The following KIAA1328 variants were observed in gnomAD, a reference collection of about 807,000 sequenced individuals.
KIAA1328 encodes KIAA1328, also known as protein hinderin.
Under a neutral mutation model 68.1 loss-of-function variants are expected in KIAA1328, and 52 were observed. The observed-to-expected ratio is 0.76, with a 90% CI of 0.61 to 0.96. The LOEUF is 0.96. KIAA1328 is among the 40% of genes least tolerant of loss of function. The pLI is 0.00. For missense variants in KIAA1328, 641 were observed against 677.6 expected (o/e 0.95, Z 0.60); for synonymous variants, 232 against 239.4 (o/e 0.97, Z 0.28).
chr18:36,900,855 C>T (rs2049013495), intron 5 of KIAA1328, among the ~76,000 whole-genome samples: 2 of 151,924 alleles, frequency 1.3e-5, no homozygotes, highest in African/African-American at 2.4e-5. Context: ...ATCAGGGATG[C>T]TTTTCCATCC....
intron 6 of KIAA1328, among the ~76,000 whole-genome samples, chr18:37,013,422 G>A (rs1464996399): frequency 6.6e-6 from 1 of 152,028 alleles, no homozygotes; most frequent in African/African-American, 2.4e-5. Context: ...ATGATGCTGA[G>A]GTTTGGGGTA....
At chr18:36,882,424 G>A (rs1342688031) in intron 4 of KIAA1328, among the ~76,000 whole-genome samples, 1 of 152,126 alleles carries the variant, frequency 6.6e-6, no homozygotes, top group Non-Finnish European at 1.5e-5. Flanking sequence ...TCTTGAGGTT[G>A]CTTTATTGGC....
intron 5 of KIAA1328, among the ~76,000 whole-genome samples, chr18:36,899,305 T>C (rs978931551): frequency 6.6e-6 from 1 of 151,982 alleles, no homozygotes; most frequent in Non-Finnish European, 1.5e-5. Flanking sequence ...TTCTGTCTTG[T>C]ACACTATTGT....
At chr18:37,151,748 C>G (rs1050339107) in intron 7 of KIAA1328, among the ~76,000 whole-genome samples, 1 of 152,058 alleles carries the variant, frequency 6.6e-6, no homozygotes, top group Non-Finnish European at 1.5e-5. Context: ...AACCTTGATC[C>G]CTACCTCACA....
chr18:36,998,276 T>C (rs148633358), intron 6 of KIAA1328, among the ~76,000 whole-genome samples: 44 of 152,226 alleles, frequency 2.9e-4, no homozygotes, highest in African/African-American at 9.9e-4. Context: ...CCTCAGGTGG[T>C]ACCAACCTAT....
chr18:37,055,272 A>T (rs2055864216), intron 6 of KIAA1328, among the ~76,000 whole-genome samples: 1 of 152,210 alleles, frequency 6.6e-6, no homozygotes, highest in African/African-American at 2.4e-5. Flanking sequence ...TTCAGCTCTA[A>T]TTGGTGTCAT....
chr18:36,974,684 ATTG>A (rs2052389288), intron 6 of KIAA1328, among the ~76,000 whole-genome samples: 2 of 152,208 alleles, frequency 1.3e-5, no homozygotes, highest in South Asian at 4.2e-4. Context: ...GCTAGATTGA[ATTG>A]TTGTTCTATT....
At chr18:36,892,776 CAG>C (rs974963819) in intron 5 of KIAA1328, among the ~76,000 whole-genome samples, 7 of 152,228 alleles carry the variant, frequency 4.6e-5, no homozygotes, top group African/African-American at 1.7e-4. Context: ...ATTTGTATTA[CAG>C]AGAGATAGGC....
intron 7 of KIAA1328, among the ~76,000 whole-genome samples, chr18:37,139,884 A>G (rs1452654845): frequency 6.6e-6 from 1 of 152,204 alleles, no homozygotes; most frequent in Non-Finnish European, 1.5e-5. Context: ...ATGTCCATTA[A>G]TGCTTATTCG....
chr18:36,948,736 A>G lies in KIAA1328; in HGVS notation c.449-10572A>G, dbSNP rs1216384240. On this transcript the variant is annotated intron_variant, in intron 5 of 9. Transcript: ENST00000280020. The stretch of plus-strand genomic sequence containing the variant: ...AGCTAATTTTGTATTTTTAGTAGAG[A>G]CGGGGTTTCTCCATGTTGGTCAGGC... Among the ~76,000 whole-genome samples, 6 of 152,050 alleles carry G rather than the reference A, an allele frequency of 3.9e-5. No homozygotes were observed. In the East Asian group the frequency reaches 9.7e-4, roughly 25 times the overall value.
intron 8 of KIAA1328, 136 bp from the exon 9 acceptor site, chr18:37,172,837 T>G: frequency 1.9e-6 from 1 of 532,452 alleles, no homozygotes; most frequent in Non-Finnish European, 3.2e-6. Flanking sequence ...CATATGCCAT[T>G]GTTACATTTC....
intron 5 of KIAA1328, among the ~76,000 whole-genome samples, chr18:36,905,791 T>C (rs1187625693): frequency 1.3e-5 from 2 of 152,150 alleles, no homozygotes; most frequent in South Asian, 2.1e-4. Flanking sequence ...CAGATGGAGA[T>C]TGATGACCAG....
intron 1 of KIAA1328, among the ~76,000 whole-genome samples, chr18:36,832,454 C>T (rs140131268): frequency 7.1e-4 from 107 of 151,610 alleles, no homozygotes; most frequent in African/African-American, 2.3e-3. Context: ...CCAGGTGTGG[C>T]GGCGGGCACC....
intron 7 of KIAA1328, among the ~76,000 whole-genome samples, chr18:37,158,544 G>A (rs2059207167): frequency 5.3e-5 from 8 of 152,150 alleles, no homozygotes; most frequent in Admixed American, 4.6e-4. Context: ...GGGTCAAGAT[G>A]GTATCAAGAG....
At chr18:36,936,171 A>G (rs941949014) in intron 5 of KIAA1328, among the ~76,000 whole-genome samples, 1 of 152,108 alleles carries the variant, frequency 6.6e-6, no homozygotes. Flanking sequence ...TCTTCTAAAA[A>G]AAAAATGGGA....
At chr18:37,072,592 C>T (rs1387311612) in intron 7 of KIAA1328, among the ~76,000 whole-genome samples, 1 of 151,988 alleles carries the variant, frequency 6.6e-6, no homozygotes, top group Non-Finnish European at 1.5e-5. Flanking sequence ...ACCCCATGCC[C>T]TCTTCTGGCT....
At chr18:37,054,278 A>G (rs1250742021) in intron 6 of KIAA1328, among the ~76,000 whole-genome samples, 1 of 152,202 alleles carries the variant, frequency 6.6e-6, no homozygotes, top group Non-Finnish European at 1.5e-5. Flanking sequence ...TAAAACTGGA[A>G]CCAACATTTT....
chr18:36,894,315 A>G (rs2048799881), intron 5 of KIAA1328, among the ~76,000 whole-genome samples: 1 of 152,194 alleles, frequency 6.6e-6, no homozygotes, highest in African/African-American at 2.4e-5. Flanking sequence ...TTACCAGAAA[A>G]TCCAGATATG....
intron 8 of KIAA1328, among the ~76,000 whole-genome samples, chr18:37,170,436 T>C (rs1201629364): frequency 6.6e-6 from 1 of 152,154 alleles, no homozygotes; most frequent in African/African-American, 2.4e-5. Flanking sequence ...AGATGATACA[T>C]TTAAAGTGAT....
Sources: gnomAD v4.1 joint callset for allele counts (sites outside exome capture counted in the v4.1 genomes callset) on GRCh38, gnomAD v4.1.1 for gene constraint, MANE v1.5 for transcripts, NCBI Gene and HGNC (gene_info 2026-07-23, HGNC 2026-07-21) for gene names.